Variants in TAFA1 observed in about 807,000 individuals in gnomAD.
TAFA1 encodes chemokine-like protein TAFA-1.
Under a neutral mutation model 18.5 loss-of-function variants are expected in TAFA1, and 4 were observed. That is an observed-to-expected ratio of 0.22 (90% CI 0.11 to 0.49). The LOEUF (loss-of-function observed/expected upper bound fraction) is 0.49. Among genes scored for constraint, TAFA1 ranks in the 20% least tolerant of loss-of-function variants. The pLI is 0.98. For synonymous variants in TAFA1, 56 were observed against 55.2 expected (o/e 1.01, Z -0.06); for missense variants, 147 against 169.0 (o/e 0.87, Z 0.72).
intron 2 of TAFA1, among the ~76,000 whole-genome samples, chr3:68,352,369 G>A (rs1260997214): frequency 6.6e-6 from 1 of 151,926 alleles, no homozygotes; most frequent in East Asian, 1.9e-4. Flanking sequence ...AGCTCCTACA[G>A]CATCTTCAAC....
chr3:68,471,592 A>G (rs1392458599), intron 3 of TAFA1, among the ~76,000 whole-genome samples: 1 of 152,168 alleles, frequency 6.6e-6, no homozygotes, highest in Non-Finnish European at 1.5e-5. Context: ...AGAAAAATGG[A>G]GGCCAGAAGA....
intron 2 of TAFA1, among the ~76,000 whole-genome samples, chr3:68,302,970 C>T (rs886907886): frequency 6.6e-6 from 1 of 152,128 alleles, no homozygotes; most frequent in Admixed American, 6.5e-5. Flanking sequence ...TCAGTTTTCT[C>T]ATTTTTAAAA....
intron 2 of TAFA1, among the ~76,000 whole-genome samples, chr3:68,394,332 C>T (rs950587536): frequency 2.6e-5 from 4 of 152,128 alleles, no homozygotes; most frequent in Non-Finnish European, 4.4e-5. Flanking sequence ...ACATTCCATG[C>T]TCATGGATAG....
intron 2 of TAFA1, among the ~76,000 whole-genome samples, chr3:68,009,332 T>C (rs962044078): frequency 6.6e-6 from 1 of 152,242 alleles, no homozygotes; most frequent in Non-Finnish European, 1.5e-5. Context: ...CTTATGTCTT[T>C]ATAGGGCTTA....
In TAFA1 at chr3:68,312,292, A is replaced by G. The variant is rs144714742; in HGVS notation, c.119-104988A>G. The stretch of plus-strand genomic sequence containing the variant: ...CCTTTGGCTCCTCATTACTTATGCA[A>G]AATTCTCCAGCAGGCTTGGATTTCT... On this transcript the variant is annotated intron_variant, in intron 2 of 4. Coordinates refer to ENST00000478136, the MANE Select transcript of TAFA1 (RefSeq NM_213609.4). Among the ~76,000 whole-genome samples, 449 of 152,318 alleles carry G rather than the reference A, an allele frequency of 2.9e-3. 2 individuals carry two copies. Among genetic ancestry groups the G allele is most frequent in the African/African-American group, 0.01 (427 of 41,588 alleles).
intron 2 of TAFA1, among the ~76,000 whole-genome samples, chr3:68,303,399 A>T (rs1559607769): frequency 6.6e-6 from 1 of 152,174 alleles, no homozygotes; most frequent in Non-Finnish European, 1.5e-5. Context: ...TAAAGAGGAA[A>T]CAAAACAATG....
At chr3:68,540,670 G>T (rs1292704687) in intron 4 of TAFA1, among the ~76,000 whole-genome samples, 1 of 152,042 alleles carries the variant, frequency 6.6e-6, no homozygotes, top group Non-Finnish European at 1.5e-5. Flanking sequence ...TATTCTCATG[G>T]TGTCTCCAGA....
At chr3:68,538,048 G>A (rs1473437690) in intron 3 of TAFA1, among the ~76,000 whole-genome samples, 5 of 152,102 alleles carry the variant, frequency 3.3e-5, no homozygotes, top group African/African-American at 4.8e-5. Flanking sequence ...AAATGATAGA[G>A]GTGTGGCAAA....
chr3:68,393,411 A>G (rs1405878430), intron 2 of TAFA1, among the ~76,000 whole-genome samples: 1 of 151,886 alleles, frequency 6.6e-6, no homozygotes, highest in East Asian at 1.9e-4. Flanking sequence ...AGATGGATTC[A>G]TAGCCAAATT....
intron 3 of TAFA1, among the ~76,000 whole-genome samples, chr3:68,432,739 A>T (rs1208303664): frequency 1.3e-5 from 2 of 152,002 alleles, no homozygotes; most frequent in African/African-American, 4.8e-5. Flanking sequence ...GTAAGAGAAG[A>T]CACTCATTTT....
chr3:68,443,484 A>C (rs1250136956), intron 3 of TAFA1, among the ~76,000 whole-genome samples: 5 of 151,658 alleles, frequency 3.3e-5, no homozygotes, highest in South Asian at 2.1e-4. Context: ...AAAAAAAAAA[A>C]AAAAAAAAAA....
chr3:68,502,943 G>A (rs561876585), intron 3 of TAFA1, among the ~76,000 whole-genome samples: 10 of 152,220 alleles, frequency 6.6e-5, no homozygotes, highest in Admixed American at 3.3e-4. Flanking sequence ...GCCCACCAGC[G>A]GGGGAATAGC....
At chr3:68,226,308 G>A (rs2066799659) in intron 2 of TAFA1, among the ~76,000 whole-genome samples, 2 of 152,160 alleles carry the variant, frequency 1.3e-5, no homozygotes, top group South Asian at 4.1e-4. Flanking sequence ...ATTAACAAAG[G>A]GAGAGAAACA....
At chr3:68,477,518 G>T (rs137942085) in intron 3 of TAFA1, among the ~76,000 whole-genome samples, 1 of 152,210 alleles carries the variant, frequency 6.6e-6, no homozygotes, top group East Asian at 1.9e-4. Context: ...GGGATTATAG[G>T]CATGTGCCAA....
chr3:68,289,972 G>T (rs1292035900), intron 2 of TAFA1, among the ~76,000 whole-genome samples: 1 of 152,180 alleles, frequency 6.6e-6, no homozygotes, highest in Admixed American at 6.5e-5. Flanking sequence ...AGGCACCCAG[G>T]TGCCTTGACT....
chr3:68,153,667 G>A (rs1303817544), intron 2 of TAFA1, among the ~76,000 whole-genome samples: 1 of 152,004 alleles, frequency 6.6e-6, no homozygotes, highest in Non-Finnish European at 1.5e-5. Context: ...TAAGATTCTT[G>A]TTTCTGTCTG....
intron 2 of TAFA1, among the ~76,000 whole-genome samples, chr3:68,231,421 C>G (rs1048366706): frequency 7.8e-6 from 1 of 127,464 alleles, no homozygotes; most frequent in African/African-American, 3.0e-5. Flanking sequence ...ACTGCAGTGG[C>G]GCAATCTCGG....
intron 2 of TAFA1, among the ~76,000 whole-genome samples, chr3:68,384,364 G>A (rs1212642940): frequency 6.6e-6 from 1 of 151,950 alleles, no homozygotes; most frequent in African/African-American, 2.4e-5. Context: ...ATTCTTGCAT[G>A]TTGTATGTTT....
rs115016613 is a variant in TAFA1 at position 68,036,705 on chromosome 3, G to A, written c.118+29961G>A. On this transcript the variant is annotated intron_variant, in intron 2 of 4. Transcript: ENST00000478136. ...ACTAGTTGCACAATTACTGGTGAAG[G>A]TGGGTCCCTTAACTCTCTCCTATTT... Among the ~76,000 whole-genome samples, 1,225 of 152,154 alleles carry A rather than the reference G, an allele frequency of 8.1e-3. 7 individuals are homozygous for A. The highest frequency in any genetic ancestry group is 0.018 in the Admixed American group (279 of 15,262).
Sources: gnomAD v4.1 joint callset for allele counts (sites outside exome capture counted in the v4.1 genomes callset) on GRCh38, gnomAD v4.1.1 for gene constraint, MANE v1.5 for transcripts, NCBI Gene and HGNC (gene_info 2026-07-23, HGNC 2026-07-21) for gene names.